Variants in MAX observed in about 807,000 individuals in gnomAD.
MAX encodes the protein protein max.
In MAX, 3 loss-of-function variants were observed where a neutral mutation model predicts 22.3. The observed-to-expected ratio is 0.13, with a 90% CI of 0.06 to 0.35. The LOEUF is 0.35. MAX is among the 10% of genes least tolerant of loss of function. The pLI, the probability that MAX is intolerant of heterozygous loss-of-function variation, is 1.00. For synonymous variants in MAX, 72 were observed against 77.7 expected, an observed-to-expected ratio of 0.93 and a Z score of 0.39; for missense variants, 119 against 209.4, an observed-to-expected ratio of 0.57 and a Z score of 2.66.
chr14:65,057,917 C>T (rs1261955069), intron 3 of MAX, among the ~76,000 whole-genome samples: 3 of 152,156 alleles, frequency 2.0e-5, no homozygotes, highest in Admixed American at 6.5e-5. Context: ...GGTCTGTTTG[C>T]CTATCTGCAC....
At chr14:65,010,139 G>A (rs1176663874) in intron 3 of MAX, among the ~76,000 whole-genome samples, 3 of 152,164 alleles carry the variant, frequency 2.0e-5, no homozygotes, top group Non-Finnish European at 4.4e-5. Context: ...ATCTGCCACT[G>A]TTAAACACCT....
downstream of MAX, among the ~76,000 whole-genome samples, chr14:65,072,427 C>A (rs2062998027): frequency 6.6e-6 from 1 of 152,206 alleles, no homozygotes; most frequent in African/African-American, 2.4e-5. Flanking sequence ...AACTATTTAA[C>A]AAGCCCGCCT....
chr14:65,021,983 A>G (rs2061896250), intron 3 of MAX: 1 of 455,914 alleles, frequency 2.2e-6, no homozygotes, highest in Non-Finnish European at 4.4e-6. Context: ...TTCTTCCAGA[A>G]CAGCAGCCAT....
chr14:65,021,569 A>G (rs2061886523), intron 3 of MAX, among the ~76,000 whole-genome samples: 1 of 152,080 alleles, frequency 6.6e-6, no homozygotes, highest in African/African-American at 2.4e-5. Context: ...GCTGCTAAAT[A>G]TCCTCTACAG....
intron 2 of MAX, among the ~76,000 whole-genome samples, chr14:65,097,546 A>T (rs1038573892): frequency 1.3e-5 from 2 of 152,206 alleles, no homozygotes; most frequent in African/African-American, 4.8e-5. Flanking sequence ...AATACAGAAA[A>T]TTCTCAGCAT....
intron 3 of MAX, among the ~76,000 whole-genome samples, chr14:65,051,342 G>A (rs1338137768): frequency 1.3e-5 from 2 of 152,170 alleles, no homozygotes; most frequent in African/African-American, 4.8e-5. Context: ...GGGTGCGGTG[G>A]CCCATGCCTG....
At chr14:65,018,801 C>T (rs1309961625) in intron 3 of MAX, among the ~76,000 whole-genome samples, 1 of 127,286 alleles carries the variant, frequency 7.9e-6, no homozygotes, top group African/African-American at 3.0e-5. Context: ...CAGAGTGAGA[C>T]TCTGTCTTAA....
intron 3 of MAX, among the ~76,000 whole-genome samples, chr14:65,058,110 C>CTT (rs568696633): frequency 6.8e-6 from 1 of 147,468 alleles, no homozygotes; most frequent in African/African-American, 2.5e-5. Flanking sequence ...AGAGAACCAA[C>CTT]TTTTTTTTTT....
chr14:65,096,636 A>T (rs2063682980), intron 2 of MAX, among the ~76,000 whole-genome samples: 1 of 152,116 alleles, frequency 6.6e-6, no homozygotes, highest in Admixed American at 6.5e-5. Context: ...AAGATTTCAG[A>T]GTTGAAGAAG....
rs1299769201 is a variant in MAX at position 65,060,645 on chromosome 14, G to A, written c.171+33063C>T. On this transcript the variant is annotated intron_variant, in intron 3 of 3. Transcript: ENST00000341653. ...CGGGAGGCGGAGCTTGCAGTGAGCC[G>A]AGATCCCGCCACTGCACTCCAGCCT... Among the ~76,000 whole-genome samples, 3 of 117,622 alleles carry A rather than the reference G, an allele frequency of 2.6e-5. 1 individual carries two copies. Among genetic ancestry groups the A allele is most frequent in the African/African-American group, 1.0e-4 (2 of 19,144 alleles). The allele number at this position is 117,622 out of a possible 152,430, so 77.2% of individuals were successfully genotyped here.
In MAX at chr14:65,011,211, T is replaced by G. The variant is rs913183170; in HGVS notation, c.172-4927A>C. The stretch of plus-strand genomic sequence containing the variant: ...TGGGAGGCCAAGGCAGGGGATTACC[T>G]GAGGTCAGGAGTTCAAGACCAGCCT... On this transcript the variant is annotated intron_variant, in intron 3 of 3. Transcript: ENST00000341653. This position sits in a 1 kb window ranked among gnomAD's most constrained non-coding sequence, Gnocchi z 4.0. Among the ~76,000 whole-genome samples the G allele has an allele frequency of 1.3e-5, 2 of 152,188 alleles. No individual in the cohort carries two copies. The highest frequency in any genetic ancestry group is 4.8e-5 in the African/African-American group (2 of 41,442).
In MAX at chr14:65,027,483, C is replaced by T. The variant is rs1173655327; in HGVS notation, c.172-21199G>A. On this transcript the variant is annotated intron_variant, in intron 3 of 3. Coordinates refer to the MAX transcript ENST00000341653. This position sits in a 1 kb window ranked among gnomAD's most constrained non-coding sequence, Gnocchi z 5.7. ...GTCAGTTCCTGGAGCTGTGTCAGAG[C>T]CCAGAAGGTGGCTTTGGAGGAGGAC... 1 of 1,614,042 alleles carries T rather than the reference C, an allele frequency of 6.2e-7. No individual in the cohort carries two copies.
At chr14:65,060,609 T>C (rs1467047316) in intron 3 of MAX, among the ~76,000 whole-genome samples, 1 of 102,670 alleles carries the variant, frequency 9.7e-6, no homozygotes, top group Non-Finnish European at 1.7e-5. Context: ...GGCAGGAGAA[T>C]GGCGTGAACC....
At chr14:65,063,100 C>A (rs555519754) in intron 3 of MAX, among the ~76,000 whole-genome samples, 2 of 152,320 alleles carry the variant, frequency 1.3e-5, no homozygotes, top group Admixed American at 1.3e-4. Context: ...AGGCCAAGAA[C>A]ATGGATGTCC....
chr14:65,061,253 C>T, intron 3 of MAX: 1 of 1,614,178 alleles, frequency 6.2e-7, no homozygotes, highest in South Asian at 1.1e-5. Flanking sequence ...TCTACAGAAG[C>T]CAGTCCCAGG....
At chr14:65,089,121 G>A (rs1429672976) in intron 3 of MAX, among the ~76,000 whole-genome samples, 1 of 152,124 alleles carries the variant, frequency 6.6e-6, no homozygotes, top group Non-Finnish European at 1.5e-5. Context: ...AACCTCTACA[G>A]CACTCACAAG....
At chr14:65,020,716 G>A (rs899260788) in intron 3 of MAX, among the ~76,000 whole-genome samples, 3 of 150,650 alleles carry the variant, frequency 2.0e-5, no homozygotes, top group African/African-American at 7.3e-5. Flanking sequence ...TTACAGGCAT[G>A]AGCCACCGCG....
intron 3 of MAX, among the ~76,000 whole-genome samples, chr14:65,015,871 C>G (rs2061764107): frequency 6.6e-6 from 1 of 152,220 alleles, no homozygotes; most frequent in Non-Finnish European, 1.5e-5. Context: ...CTTCCTGAAA[C>G]TCCTCCACTT....
intron 3 of MAX, among the ~76,000 whole-genome samples, chr14:65,051,816 A>G (rs2062619068): frequency 7.0e-6 from 1 of 143,652 alleles, no homozygotes; most frequent in Non-Finnish European, 1.5e-5. Flanking sequence ...TTTTTTTGAG[A>G]TGGAGTCTCG....
Sources: gnomAD v4.1 joint callset for allele counts (sites outside exome capture counted in the v4.1 genomes callset) on GRCh38, gnomAD v4.1.1 for gene constraint, Gnocchi (gnomAD v3.1) non-coding constraint, MANE v1.5 for transcripts, NCBI Gene and HGNC (gene_info 2026-07-23, HGNC 2026-07-21) for gene names.